CPNE8: variants seen among roughly 807,000 people sequenced by gnomAD.
CPNE8 encodes the protein copine-8.
A neutral mutation model predicts 81.5 loss-of-function variants in CPNE8; 45 were observed. That is an observed-to-expected ratio of 0.55 (90% confidence interval 0.44 to 0.71). CPNE8 has a LOEUF of 0.71. Among genes scored for constraint, CPNE8 ranks in the 30% least tolerant of loss-of-function variants. The probability of loss-of-function intolerance (pLI) is 0.00; values close to 1 mark genes in which losing one functional copy is unlikely to be tolerated. For missense variants in CPNE8, 594 were observed against 672.1 expected, an observed-to-expected ratio of 0.88 and a Z score of 1.28; for synonymous variants, 252 against 226.3, an observed-to-expected ratio of 1.11 and a Z score of -1.02.
At chr12:38,675,899 T>C (rs576594701) in intron 17 of CPNE8, 125 bp from the exon 18 acceptor site, 3 of 669,518 alleles carry the variant, frequency 4.5e-6, no homozygotes, top group East Asian at 5.5e-5. Flanking sequence ...GAAGGAGGAT[T>C]GCTTGAGGCC....
At chr12:38,851,198 A>T (rs1408088443) in intron 3 of CPNE8, among the ~76,000 whole-genome samples, 1 of 152,214 alleles carries the variant, frequency 6.6e-6, no homozygotes, top group African/African-American at 2.4e-5. Context: ...GACCAGGATA[A>T]TTTATTTGGT....
intron 6 of CPNE8, among the ~76,000 whole-genome samples, chr12:38,784,625 C>T (rs1249052308): frequency 6.6e-6 from 1 of 152,024 alleles, no homozygotes; most frequent in Non-Finnish European, 1.5e-5. Flanking sequence ...CCAAAAGCAG[C>T]AAGAGAAAGA....
At chr12:38,792,499 G>A (rs757522941) in intron 6 of CPNE8, among the ~76,000 whole-genome samples, 20 of 151,410 alleles carry the variant, frequency 1.3e-4, no homozygotes, top group Non-Finnish European at 1.9e-4. Context: ...CACATTCTTG[G>A]AAATACATGA....
intron 4 of CPNE8, among the ~76,000 whole-genome samples, chr12:38,848,197 G>T (rs768182742): frequency 3.3e-5 from 5 of 152,190 alleles, no homozygotes; most frequent in Non-Finnish European, 7.3e-5. Context: ...AGATCCAGGT[G>T]CTATGCTAAG....
intron 1 of CPNE8, among the ~76,000 whole-genome samples, chr12:38,886,203 C>G (rs537781764): frequency 6.6e-6 from 1 of 152,312 alleles, no homozygotes; most frequent in Non-Finnish European, 1.5e-5. Context: ...GGTGCCACCT[C>G]TGAACAGTCA....
intron 6 of CPNE8, among the ~76,000 whole-genome samples, chr12:38,797,154 C>A (rs543331562): frequency 1.3e-5 from 2 of 152,348 alleles, no homozygotes; most frequent in African/African-American, 4.8e-5. Context: ...GTAACCTCTG[C>A]AGACGTAAAT....
chr12:38,788,366 C>A (rs1456837891), intron 6 of CPNE8, among the ~76,000 whole-genome samples: 1 of 151,646 alleles, frequency 6.6e-6, no homozygotes, highest in Non-Finnish European at 1.5e-5. Context: ...AAAACCATAT[C>A]ATTTCAATTG....
chr12:38,860,439 G>A lies in CPNE8; in HGVS notation c.187-11777C>T, dbSNP rs1035290936. Among the ~76,000 whole-genome samples, 12 of 141,320 alleles carry A rather than the reference G, an allele frequency of 8.5e-5. No homozygotes were observed. The East Asian group carries it at 2.0e-3, about 24-fold the overall frequency. The allele number at this position is 141,320 out of a possible 152,430, so 92.7% of individuals were successfully genotyped here. On this transcript the variant is annotated intron_variant, in intron 3 of 19. Coordinates refer to ENST00000331366, the MANE Select transcript of CPNE8 (RefSeq NM_153634.3). ...TGTTTTTGAGGATGTGGAGAAATTA[G>A]AGCATTTGTGCCCTATTGGTGGAAT...
chr12:38,812,103 G>A (rs1303705027), intron 6 of CPNE8, among the ~76,000 whole-genome samples: 6 of 152,168 alleles, frequency 3.9e-5, no homozygotes, highest in South Asian at 2.1e-4. Flanking sequence ...CAAAAATGGG[G>A]CAATAATCAT....
At chr12:38,778,632 G>A (rs560244441) in intron 6 of CPNE8, among the ~76,000 whole-genome samples, 2 of 152,234 alleles carry the variant, frequency 1.3e-5, no homozygotes, top group South Asian at 4.1e-4. Flanking sequence ...CTTACACAAA[G>A]CTCAGCCTTT....
chr12:38,787,340 A>T (rs1942216711), intron 6 of CPNE8, among the ~76,000 whole-genome samples: 1 of 152,098 alleles, frequency 6.6e-6, no homozygotes, highest in Non-Finnish European at 1.5e-5. Context: ...AATTTAAAAT[A>T]TGCTCCTGAA....
intron 3 of CPNE8, among the ~76,000 whole-genome samples, chr12:38,856,906 T>A (rs188742087): frequency 6.6e-6 from 1 of 152,186 alleles, no homozygotes; most frequent in East Asian, 1.9e-4. Flanking sequence ...TGCTTCACAT[T>A]TAAGGAAAAT....
chr12:38,892,609 T>G (rs1236550228), intron 1 of CPNE8, among the ~76,000 whole-genome samples: 1 of 152,166 alleles, frequency 6.6e-6, no homozygotes, highest in African/African-American at 2.4e-5. Context: ...AGGGAAGTAA[T>G]AGCATACATG....
At chr12:38,866,103 C>T (rs1420459608) in intron 3 of CPNE8, among the ~76,000 whole-genome samples, 2 of 152,180 alleles carry the variant, frequency 1.3e-5, no homozygotes, top group Non-Finnish European at 2.9e-5. Context: ...GAGTAACATA[C>T]AACATACTTT....
rs1026879316 is a variant in CPNE8 at position 38,856,132 on chromosome 12, C to G, written c.187-7470G>C. Reference sequence around the variant, plus strand: ...TAAATTCTTAGAAATATATAACATACTAAGGCTGAACCATGAAAAGATAGG... The same window carrying G: ...TAAATTCTTAGAAATATATAACATAGTAAGGCTGAACCATGAAAAGATAGG... On this transcript the variant is annotated intron_variant, in intron 3 of 19. Transcript: ENST00000331366. Among the ~76,000 whole-genome samples the G allele has an allele frequency of 2.0e-5, 3 of 151,916 alleles. No individual in the cohort carries two copies. In the East Asian group the frequency reaches 5.8e-4, roughly 29 times the overall value.
chr12:38,808,628 A>T (rs1199747119), intron 6 of CPNE8, among the ~76,000 whole-genome samples: 3 of 148,960 alleles, frequency 2.0e-5, no homozygotes, highest in Admixed American at 2.0e-4. Context: ...GGGGAGGGAT[A>T]GCATTAGGAG....
intron 1 of CPNE8, among the ~76,000 whole-genome samples, chr12:38,883,308 A>G (rs1221753714): frequency 6.6e-6 from 1 of 152,202 alleles, no homozygotes; most frequent in Non-Finnish European, 1.5e-5. Flanking sequence ...CTATTCATCT[A>G]TATCATTCAG....
chr12:38,799,318 T>C (rs1448055841), intron 6 of CPNE8, among the ~76,000 whole-genome samples: 1 of 151,970 alleles, frequency 6.6e-6, no homozygotes, highest in Non-Finnish European at 1.5e-5. Context: ...TCAGCAAATG[T>C]AACACAACAG....
intron 1 of CPNE8, among the ~76,000 whole-genome samples, chr12:38,899,966 TA>T (rs898621740): frequency 2.0e-4 from 30 of 151,102 alleles, no homozygotes; most frequent in Admixed American, 1.1e-3. Flanking sequence ...TAGATGATTA[TA>T]AAAAAAAACA....
Sources: gnomAD v4.1 joint callset for allele counts (sites outside exome capture counted in the v4.1 genomes callset) on GRCh38, gnomAD v4.1.1 for gene constraint, MANE v1.5 for transcripts, NCBI Gene and HGNC (gene_info 2026-07-23, HGNC 2026-07-21) for gene names.